Variants in SGCZ observed in about 807,000 individuals in gnomAD.
SGCZ encodes the protein zeta-sarcoglycan.
Under a neutral mutation model 41.3 loss-of-function variants are expected in SGCZ, and 40 were observed. That is an observed-to-expected ratio of 0.97 (90% CI 0.75 to 1.26). The LOEUF is 1.26. Among genes scored for constraint, SGCZ ranks in the 50% most tolerant of loss-of-function variants. The pLI, the probability that SGCZ is intolerant of heterozygous loss-of-function variation, is 0.00. For missense variants in SGCZ, 552 were observed against 369.8 expected (o/e 1.49, Z -4.04); for synonymous variants, 206 against 137.5 (o/e 1.50, Z -3.49).
chr8:14,112,291 G>T (rs541756679), intron 5 of SGCZ, among the ~76,000 whole-genome samples: 9 of 149,610 alleles, frequency 6.0e-5, no homozygotes, highest in East Asian at 2.0e-4. Context: ...TGTGGGGGGG[G>T]GGTGCAAAGA....
chr8:15,018,153 C>A (rs1803110245), intron 1 of SGCZ, among the ~76,000 whole-genome samples: 1 of 152,124 alleles, frequency 6.6e-6, no homozygotes, highest in South Asian at 2.1e-4. Context: ...TAAGCCACCC[C>A]CCAGCACAAA....
At chr8:14,574,857 A>G (rs1804660717) in intron 1 of SGCZ, among the ~76,000 whole-genome samples, 1 of 152,216 alleles carries the variant, frequency 6.6e-6, no homozygotes, top group Non-Finnish European at 1.5e-5. Flanking sequence ...CAAAACTCAT[A>G]CAGTGAATTT....
chr8:14,743,923 G>C (rs534067814), intron 1 of SGCZ, among the ~76,000 whole-genome samples: 1 of 152,090 alleles, frequency 6.6e-6, no homozygotes, highest in Non-Finnish European at 1.5e-5. Context: ...TTTATTCTGG[G>C]GATCCGAAAG....
At chr8:14,410,617 T>C (rs1799334144) in intron 2 of SGCZ, among the ~76,000 whole-genome samples, 1 of 150,242 alleles carries the variant, frequency 6.7e-6, no homozygotes, top group South Asian at 2.1e-4. Flanking sequence ...CGTGGGGTGG[T>C]GGACAAGGGG....
chr8:15,156,515 T>C (rs933132925), intron 1 of SGCZ, among the ~76,000 whole-genome samples: 1 of 152,184 alleles, frequency 6.6e-6, no homozygotes, highest in Non-Finnish European at 1.5e-5. Context: ...ACTGTCATGA[T>C]TTGCTGTTTT....
chr8:14,391,842 A>T (rs575600968), intron 2 of SGCZ, among the ~76,000 whole-genome samples: 1 of 152,122 alleles, frequency 6.6e-6, no homozygotes, highest in South Asian at 2.1e-4. Context: ...GAAGCTTTCA[A>T]TGGTGGAGCT....
intron 1 of SGCZ, among the ~76,000 whole-genome samples, chr8:14,694,053 A>C (rs1808884194): frequency 6.6e-6 from 1 of 152,228 alleles, no homozygotes; most frequent in Non-Finnish European, 1.5e-5. Flanking sequence ...CATTTCTTAC[A>C]AAACAGAGCA....
At chr8:14,394,383 T>G (rs1313790943) in intron 2 of SGCZ, among the ~76,000 whole-genome samples, 1 of 152,062 alleles carries the variant, frequency 6.6e-6, no homozygotes, top group Non-Finnish European at 1.5e-5. Flanking sequence ...TCTCCTGACC[T>G]CGTGATCCAC....
At chr8:15,088,723 A>G (rs1248629040) in intron 1 of SGCZ, among the ~76,000 whole-genome samples, 1 of 152,130 alleles carries the variant, frequency 6.6e-6, no homozygotes, top group African/African-American at 2.4e-5. Context: ...TTATTCGTCT[A>G]CCATGAGGCA....
chr8:14,765,901 G>A (rs1800020158), intron 1 of SGCZ, among the ~76,000 whole-genome samples: 2 of 151,584 alleles, frequency 1.3e-5, no homozygotes, highest in African/African-American at 4.8e-5. Context: ...GAGGTTGCCA[G>A]GCACATCATC....
intron 1 of SGCZ, among the ~76,000 whole-genome samples, chr8:15,220,960 C>A (rs1801577989): frequency 6.6e-6 from 1 of 152,002 alleles, no homozygotes; most frequent in Admixed American, 6.6e-5. Context: ...GGGAATTGAA[C>A]AATGAGAATA....
chr8:14,758,642 ACAGT>A (rs1381143039), intron 1 of SGCZ, among the ~76,000 whole-genome samples: 1 of 152,220 alleles, frequency 6.6e-6, no homozygotes, highest in African/African-American at 2.4e-5. Flanking sequence ...TGATTGGTGC[ACAGT>A]CAAATAATAT....
intron 2 of SGCZ, among the ~76,000 whole-genome samples, chr8:14,485,902 C>T (rs962510436): frequency 1.5e-5 from 2 of 137,794 alleles, no homozygotes; most frequent in Admixed American, 8.3e-5. Context: ...ACTGCAGTGG[C>T]GCAATCTCGG....
chr8:14,277,803 G>C (rs936651773), intron 3 of SGCZ, among the ~76,000 whole-genome samples: 1 of 151,962 alleles, frequency 6.6e-6, no homozygotes, highest in Non-Finnish European at 1.5e-5. Flanking sequence ...CCTTATCTGA[G>C]GAAGGAAACT....
At chr8:14,396,650 T>C (rs1481995343) in intron 2 of SGCZ, among the ~76,000 whole-genome samples, 1 of 152,102 alleles carries the variant, frequency 6.6e-6, no homozygotes, top group Non-Finnish European at 1.5e-5. Context: ...TGGTAGCTAA[T>C]ATAACGACTG....
At chr8:14,478,700 T>C (rs1801433950) in intron 2 of SGCZ, among the ~76,000 whole-genome samples, 1 of 152,232 alleles carries the variant, frequency 6.6e-6, no homozygotes, top group Admixed American at 6.5e-5. Flanking sequence ...CTTAAATTCA[T>C]GATTGCAAAT....
chr8:14,572,013 G>C (rs1373193556), intron 1 of SGCZ, among the ~76,000 whole-genome samples: 2 of 152,096 alleles, frequency 1.3e-5, no homozygotes, highest in Admixed American at 6.6e-5. Flanking sequence ...TTAAAAATTT[G>C]AAAGAGTGAA....
intron 1 of SGCZ, among the ~76,000 whole-genome samples, chr8:14,638,574 C>A (rs1207956795): frequency 6.6e-6 from 1 of 151,784 alleles, no homozygotes; most frequent in East Asian, 1.9e-4. Flanking sequence ...CCACTTTTGA[C>A]AGCCTGGTTA....
chr8:14,806,836 A>C lies in SGCZ; in HGVS notation c.40-251910T>G, dbSNP rs574548446. Among the ~76,000 whole-genome samples the C allele has an allele frequency of 6.1e-4, 92 of 151,936 alleles. 2 individuals are homozygous for C. Among genetic ancestry groups the C allele is most frequent in the East Asian group, 4.7e-3 (24 of 5,148 alleles). ...ACATTGATGCAAAAATCCTCAATAA[A>C]ATACTGGCAAAACGAATCCAGCAGC... On this transcript the variant is annotated intron_variant, in intron 1 of 7. Transcript: ENST00000382080.
Sources: allele counts gnomAD v4.1 joint callset (sites outside exome capture counted in the v4.1 genomes callset), GRCh38; gene constraint gnomAD v4.1.1; transcripts MANE v1.5; gene names NCBI Gene and HGNC (gene_info 2026-07-23, HGNC 2026-07-21).